The following MYC variants were observed in gnomAD, a reference collection of about 807,000 sequenced individuals.
The protein encoded by MYC is myc proto-oncogene protein.
Under a neutral mutation model 30.5 loss-of-function variants are expected in MYC, and 1 was observed. The ratio of observed to expected loss-of-function variants is 0.03; its 90% CI spans 0.01 to 0.16. The LOEUF is 0.16. Among genes scored for constraint, MYC ranks in the 10% least tolerant of loss-of-function variants. The pLI, the probability that MYC is intolerant of heterozygous loss-of-function variation, is 1.00. For synonymous variants in MYC, 267 were observed against 250.7 expected, an observed-to-expected ratio of 1.07 and a Z score of -0.62; for missense variants, 508 against 589.0, an observed-to-expected ratio of 0.86 and a Z score of 1.42.
Position 127,741,555 on chromosome 8 carries a change from G to A in MYC, c.*597G>A. Reference sequence around the variant, plus strand: ...GGCAAGAGTTTTCCTCTGTTGAAATGGGTCTGGGGGCCTTAAGGTCTTTAA... The same window carrying A: ...GGCAAGAGTTTTCCTCTGTTGAAATAGGTCTGGGGGCCTTAAGGTCTTTAA... On this transcript the variant is annotated 3_prime_UTR_variant, in exon 3 of 3. Coordinates refer to ENST00000621592, the MANE Select transcript of MYC (RefSeq NM_002467.6). The A allele has an allele frequency of 5.4e-6, 1 of 184,308 alleles. No individual in the cohort carries two copies. The highest frequency in any genetic ancestry group is 1.1e-5 in the Non-Finnish European group (1 of 87,686). The allele number at this position is 184,308 out of a possible 1,614,324, so 11.4% of individuals were successfully genotyped here. A position where few individuals can be genotyped will look rare whatever the true frequency, so the allele number is the denominator to read the frequency against.
Position 127,738,389 on chromosome 8 carries a change from C to T in MYC, c.172C>T (p.Pro58Ser), listed in dbSNP as rs2130092991. 1 of 1,614,058 alleles carries T rather than the reference C, an allele frequency of 6.2e-7. No homozygotes were observed. The highest frequency in any genetic ancestry group is 8.5e-7 in the Non-Finnish European group (1 of 1,179,976). Residue 58 changes from proline (P) to serine (S), a missense_variant, in exon 2 of 3, where the codon CCG becomes TCG. This residue lies in a region of MYC where 70 missense variants were observed against 84.5 expected (regional missense o/e 0.83). Transcript: ENST00000621592. This position sits in a 1 kb window ranked among gnomAD's most constrained non-coding sequence, Gnocchi z 7.6. ...GCAGCAGCAGAGCGAGCTGCAGCCC[C>T]CGGCGCCCAGCGAGGATATCTGGAA... is the stretch of plus-strand genomic sequence containing the variant.
At chr8:127,736,765 C>A in intron 1 of MYC, 142 bp downstream of exon 1, 1 of 947,666 alleles carries the variant, frequency 1.1e-6, no homozygotes, top group Non-Finnish European at 1.6e-6. Context: ...GTAACTGGGG[C>A]TGGGGTGGGG....
Position 127,738,789 on chromosome 8 carries a change from T to G in MYC, c.572T>G (p.Leu191Trp), listed in dbSNP as rs1273381542. ...CACAGCGTCTGCTCCACCTCCAGCT[T>G]GTACCTGCAGGATCTGAGCGCCGCC... is the stretch of plus-strand genomic sequence containing the variant. Residue 191 changes from leucine to tryptophan, a missense_variant, in exon 2 of 3, where the codon TTG (leucine) becomes TGG (tryptophan). By Grantham distance (61) the Leu-to-Trp change is moderately conservative (BLOSUM62 -2). Coordinates refer to ENST00000621592, the MANE Select transcript of MYC (RefSeq NM_002467.6). This position sits in a 1 kb window ranked among gnomAD's most constrained non-coding sequence, Gnocchi z 7.6. 1.2e-6 allele frequency: 2 copies of G among 1,609,944 alleles called. No individual in the cohort carries two copies. Among genetic ancestry groups the G allele is most frequent in the African/African-American group, 1.3e-5 (1 of 74,904 alleles).
chr8:127,738,885 G>GCGC lies in MYC; in HGVS notation c.670_672dup (p.Ala224dup), dbSNP rs1193349371. ...AACGACAGCAGCTCGCCCAAGTCCT[G>GCGC]CGCCTCGCAAGACTCCAGCGCCTTC... On this transcript the variant is annotated inframe_insertion, in exon 2 of 3. Transcript: ENST00000621592. The surrounding 1 kb of genome is among the most constrained non-coding windows in gnomAD (Gnocchi z 7.6). The GCGC allele has an allele frequency of 6.2e-7, 1 of 1,612,170 alleles. No homozygotes were observed. The highest frequency in any genetic ancestry group is 8.5e-7 in the Non-Finnish European group (1 of 1,180,004).
At chr8:127,735,687 T>G (rs74915175), upstream of MYC, 2 of 398,740 alleles carry the variant, frequency 5.0e-6, no homozygotes, top group South Asian at 2.6e-4. Flanking sequence ...GGCGTGGCGG[T>G]GGGCGCGCAG....
At chr8:127,736,705 G>A in intron 1 of MYC, 82 bp downstream of exon 1, 1 of 1,464,670 alleles carries the variant, frequency 6.8e-7, no homozygotes, top group Non-Finnish European at 9.5e-7. Context: ...TAAATAGGGT[G>A]TCTTTTCTCC....
At position 127,738,955 on chromosome 8, in the gene MYC, G is replaced by T. The variant is rs2070582; in HGVS notation, c.738G>T (p.Pro246=). Residue 246 remains proline (P), a synonymous_variant, in exon 2 of 3, where the codon CCG becomes CCT. Coordinates refer to ENST00000621592, the MANE Select transcript of MYC (RefSeq NM_002467.6). The surrounding 1 kb of genome is among the most constrained non-coding windows in gnomAD (Gnocchi z 7.6). ...TGCTCTCCTCGACGGAGTCCTCCCCGCAGGGCAGCCCCGAGCCCCTGGTGC... is the reference window on the plus strand; with the variant it reads ...TGCTCTCCTCGACGGAGTCCTCCCCTCAGGGCAGCCCCGAGCCCCTGGTGC... 11 of 1,588,482 alleles carry T rather than the reference G, an allele frequency of 6.9e-6. No individual in the cohort carries two copies. Among genetic ancestry groups the T allele is most frequent in the Admixed American group, 1.7e-5 (1 of 57,664 alleles).
In MYC at chr8:127,740,769, G is replaced by T. The variant is rs1031835714; in HGVS notation, c.1176G>T (p.Leu392=). The T allele has an allele frequency of 7.4e-6, 12 of 1,613,886 alleles. No homozygotes were observed. The highest frequency in any genetic ancestry group is 1.0e-5 in the Non-Finnish European group (12 of 1,180,018). ...AGCTAAAACGGAGCTTTTTTGCCCT[G>T]CGTGACCAGATCCCGGAGTTGGAAA... The change falls in exon 3 of 3, where the codon CTG becomes CTT. Residue 392 remains leucine, a synonymous_variant. Transcript: ENST00000621592.
At chr8:127,739,117 G>A in intron 2 of MYC, 98 bp downstream of exon 2, 3 of 1,283,554 alleles carry the variant, frequency 2.3e-6, no homozygotes, top group Non-Finnish European at 3.1e-6. Context: ...TATTAGGAAG[G>A]AGAGATAGCA....
chr8:127,741,128 A>C lies in MYC; in HGVS notation c.*170A>C. ...CAAATTGGACTTTGGGCATAAAAGA[A>C]CTTTTTTATGCTTACCATCTTTTTT... On this transcript the variant is annotated 3_prime_UTR_variant, in exon 3 of 3. Transcript: ENST00000621592. The C allele has an allele frequency of 2.1e-6, 1 of 471,312 alleles. No individual in the cohort carries two copies. Among genetic ancestry groups the C allele is most frequent in the Non-Finnish European group, 3.5e-6 (1 of 284,538 alleles). The allele number at this position is 471,312 out of a possible 1,614,324, so 29.2% of individuals were successfully genotyped here. A position where few individuals can be genotyped will look rare whatever the true frequency, so the allele number is the denominator to read the frequency against.
rs2130104185 is a variant in MYC at position 127,740,599 on chromosome 8, G to C, written c.1006G>C (p.Ala336Pro). 6.2e-7 allele frequency: 1 copy of C among 1,614,042 alleles called. No homozygotes were observed. Among genetic ancestry groups the C allele is most frequent in the Non-Finnish European group, 8.5e-7 (1 of 1,180,026 alleles). The change falls in exon 3 of 3, where the codon GCT (alanine) becomes CCT (proline). Residue 336 changes from alanine (A) to proline (P), a missense_variant. Physicochemically the swap from Ala to Pro is conservative, Grantham distance 27. Around this residue, in one of 5 missense-constraint regions of MYC, gnomAD observed 364 missense variants for 381.1 expected, o/e 0.96. Transcript: ENST00000621592. ...TCCCTCCACTCGGAAGGACTATCCT[G>C]CTGCCAAGAGGGTCAAGTTGGACAG...
At chr8:127,740,026 A>G (rs1378025107) in intron 2 of MYC, among the ~76,000 whole-genome samples, 1 of 147,634 alleles carries the variant, frequency 6.8e-6, no homozygotes, top group Non-Finnish European at 1.5e-5. Flanking sequence ...GCTGGAGTGC[A>G]GTGGCGCAAT....
chr8:127,740,853 C>T lies in MYC; in HGVS notation c.1260C>T (p.Ser420=), dbSNP rs780470549. Residue 420 remains serine (S), a synonymous_variant, in exon 3 of 3, where the codon TCC becomes TCT. Transcript: ENST00000621592. ...AAAAAGCCACAGCATACATCCTGTC[C>T]GTCCAAGCAGAGGAGCAAAAGCTCA... The T allele has an allele frequency of 3.1e-6, 5 of 1,613,824 alleles. No individual in the cohort carries two copies. Among genetic ancestry groups the T allele is most frequent in the Admixed American group, 3.3e-5 (2 of 59,902 alleles).
rs1229130974 is a variant in MYC, at chr8:127,740,943, GA to G, written c.1352del (p.Asn451ThrfsTer8). 1 of 1,571,090 alleles carries G rather than the reference GA, an allele frequency of 6.4e-7. No homozygotes were observed. Among genetic ancestry groups the G allele is most frequent in the Non-Finnish European group, 8.6e-7 (1 of 1,161,934 alleles). On this transcript the variant is annotated frameshift_variant, in exon 3 of 3. Coordinates refer to ENST00000621592, the MANE Select transcript of MYC (RefSeq NM_002467.6). LOFTEE classifies it high-confidence loss of function. Reference sequence around the variant, plus strand: ...TGAAACACAAACTTGAACAGCTACGGAACTCTTGTGCGTAAGGAAAAGTAAG... The same window carrying G: ...TGAAACACAAACTTGAACAGCTACGGACTCTTGTGCGTAAGGAAAAGTAAG...
Position 127,741,622 on chromosome 8 carries a change from C to G in MYC, c.*664C>G, listed in dbSNP as rs969843417. On this transcript the variant is annotated 3_prime_UTR_variant, in exon 3 of 3. Coordinates refer to ENST00000621592, the MANE Select transcript of MYC (RefSeq NM_002467.6). Reference sequence around the variant, plus strand: ...AGATGCTTCCTGGAGACTATGATAACAGCCAGAGTTGACAGTTAGAAGGAA... The same window carrying G: ...AGATGCTTCCTGGAGACTATGATAAGAGCCAGAGTTGACAGTTAGAAGGAA... Among the ~76,000 whole-genome samples the G allele has an allele frequency of 2.0e-5, 3 of 152,070 alleles. No homozygotes were observed. The highest frequency in any genetic ancestry group is 4.8e-5 in the African/African-American group (2 of 41,394).
At chr8:127,737,927 G>A (rs903815512) in intron 1 of MYC, among the ~76,000 whole-genome samples, 8 of 152,194 alleles carry the variant, frequency 5.3e-5, no homozygotes, top group Non-Finnish European at 1.2e-4. Flanking sequence ...CTTCTTAAGG[G>A]CGCCAGGGCC....
rs1282351632 is a variant in MYC, at chr8:127,738,084, G to T, written c.31-164G>T. 6.6e-6 allele frequency among the ~76,000 whole-genome samples: 1 copy of T among 152,158 alleles called. No individual in the cohort carries two copies. Among genetic ancestry groups the T allele is most frequent in the African/African-American group, 2.4e-5 (1 of 41,438 alleles). On this transcript the variant is annotated intron_variant, in intron 1 of 2. Coordinates refer to ENST00000621592, the MANE Select transcript of MYC (RefSeq NM_002467.6). This position sits in a 1 kb window ranked among gnomAD's most constrained non-coding sequence, Gnocchi z 7.6. ...GGGGACTGTCCAAAGGGGGTGAAAG[G>T]GTGCTCCCTTTATTCCCCCACCAAG... is the stretch of plus-strand genomic sequence containing the variant.
rs752297148 is a variant in MYC at position 127,738,934 on chromosome 8, C to T, written c.717C>T (p.Leu239=). The change falls in exon 2 of 3, where the codon CTC becomes CTT. Residue 239 remains leucine (L), a synonymous_variant. Transcript: ENST00000621592. The surrounding 1 kb of genome is among the most constrained non-coding windows in gnomAD (Gnocchi z 7.6). ...TCTCTCCGTCCTCGGATTCTCTGCT[C>T]TCCTCGACGGAGTCCTCCCCGCAGG... The T allele has an allele frequency of 6.2e-7, 1 of 1,605,204 alleles. No individual in the cohort carries two copies. Among genetic ancestry groups the T allele is most frequent in the African/African-American group, 1.3e-5 (1 of 75,014 alleles).
At chr8:127,739,156 C>T in intron 2 of MYC, 137 bp downstream of exon 2, 1 of 991,534 alleles carries the variant, frequency 1.0e-6, no homozygotes, top group Non-Finnish European at 1.4e-6. Flanking sequence ...AGCTCATCAC[C>T]TCTGAAACCT....
Sources: allele counts gnomAD v4.1 joint callset (sites outside exome capture counted in the v4.1 genomes callset), GRCh38; gene constraint gnomAD v4.1.1; regional missense constraint gnomAD v4.1.1; non-coding constraint Gnocchi (gnomAD v3.1); transcripts MANE v1.5; gene names NCBI Gene and HGNC (gene_info 2026-07-23, HGNC 2026-07-21).